The following ANK3 variants were observed in gnomAD, a reference collection of about 807,000 sequenced individuals.
ANK3 encodes the protein ankyrin-3.
ANK3 carries 57 observed loss-of-function variants against 370.9 expected under a neutral mutation model. The ratio of observed to expected loss-of-function variants is 0.15; its 90% CI spans 0.12 to 0.19. The LOEUF is 0.19. Among genes scored for constraint, ANK3 ranks in the 10% least tolerant of loss-of-function variants. The probability of loss-of-function intolerance (pLI) is 1.00; values close to 1 mark genes in which losing one functional copy is unlikely to be tolerated. For synonymous variants in ANK3, 1,929 were observed against 1,946.3 expected (o/e 0.99, Z 0.23); for missense variants, 4,439 against 5,302.1 (o/e 0.84, Z 5.06).
chr10:60,659,539 T>G (rs1349060331), intron 1 of ANK3, among the ~76,000 whole-genome samples: 2 of 152,128 alleles, frequency 1.3e-5, no homozygotes, highest in Non-Finnish European at 2.9e-5. Flanking sequence ...TAGTCGGCAG[T>G]TGTACAACTT....
At chr10:60,619,934 A>G (rs1595356198) in intron 1 of ANK3, among the ~76,000 whole-genome samples, 1 of 152,164 alleles carries the variant, frequency 6.6e-6, no homozygotes, top group East Asian at 1.9e-4. Flanking sequence ...GTCCACAGTA[A>G]TTACTTTGAG....
chr10:60,068,258 T>TA (rs1464923378), intron 37 of ANK3, among the ~76,000 whole-genome samples: 1 of 152,194 alleles, frequency 6.6e-6, no homozygotes, highest in Admixed American at 6.5e-5. Flanking sequence ...CTAGCTAGTT[T>TA]AAACAGTTAC....
intron 23 of ANK3, among the ~76,000 whole-genome samples, chr10:60,142,200 AT>A (rs1234020216): frequency 6.6e-6 from 1 of 152,020 alleles, no homozygotes; most frequent in Non-Finnish European, 1.5e-5. Context: ...GTTATACAGA[AT>A]TTTTTCAGTC....
At chr10:60,087,932 C>T (rs879455451) in intron 29 of ANK3, among the ~76,000 whole-genome samples, 4 of 152,170 alleles carry the variant, frequency 2.6e-5, no homozygotes, top group Admixed American at 2.0e-4. Context: ...CCAACTGAGA[C>T]TTTTAAACAG....
chr10:60,199,811 T>C (rs990833103), intron 13 of ANK3, among the ~76,000 whole-genome samples: 2 of 152,196 alleles, frequency 1.3e-5, no homozygotes, highest in African/African-American at 2.4e-5. Context: ...GCTTTGTGCA[T>C]AAGCCCTTCT....
rs753738116 is a variant in ANK3, at chr10:60,172,332, C to T, written c.2454G>A (p.Val818=). 7 of 1,613,782 alleles carry T rather than the reference C, an allele frequency of 4.3e-6. No homozygotes were observed. In the South Asian group the frequency reaches 5.5e-5, roughly 13 times the overall value. Residue 818 remains valine (V), a synonymous_variant, in exon 21 of 44, where the codon GTG becomes GTA. Coordinates refer to ENST00000280772, the MANE Select transcript of ANK3 (RefSeq NM_020987.5). The stretch of plus-strand genomic sequence containing the variant: ...CAGTTGTGGTCATGGTCTCTTCGGT[C>T]ACTATCTTCAGGGTGTCCACTACTG... The part of the protein sequence containing the change: ...YISVVDTLKI[V]TEETMTTTTV...
intron 32 of ANK3, 183 bp downstream of exon 32, chr10:60,084,418 AT>A: frequency 3.2e-6 from 1 of 307,868 alleles, no homozygotes; most frequent in African/African-American, 2.2e-5. Context: ...AAAAAAAAAA[AT>A]TAAATTAAAT....
chr10:60,208,856 T>A (rs2096803629), intron 9 of ANK3, among the ~76,000 whole-genome samples: 1 of 152,204 alleles, frequency 6.6e-6, no homozygotes, highest in Non-Finnish European at 1.5e-5. Context: ...TTCCCTTTTC[T>A]ATCAATCTGG....
intron 2 of ANK3, among the ~76,000 whole-genome samples, chr10:60,474,671 A>G (rs1289120844): frequency 6.6e-6 from 1 of 152,218 alleles, no homozygotes; most frequent in Admixed American, 6.5e-5. Flanking sequence ...ATAAGACTGA[A>G]TAAGAGTTTC....
intron 1 of ANK3, among the ~76,000 whole-genome samples, chr10:60,726,710 T>C (rs993785023): frequency 6.6e-6 from 1 of 152,146 alleles, no homozygotes; most frequent in Non-Finnish European, 1.5e-5. Flanking sequence ...TTTCTAAAAT[T>C]AGTTTGTGGT....
intron 2 of ANK3, among the ~76,000 whole-genome samples, chr10:60,478,204 C>A (rs1246027215): frequency 6.6e-6 from 1 of 151,966 alleles, no homozygotes; most frequent in East Asian, 1.9e-4. Flanking sequence ...AAGAAACAAA[C>A]CTGAAGAGGT....
chr10:60,597,080 A>T (rs1459807971), intron 2 of ANK3, among the ~76,000 whole-genome samples: 1 of 152,202 alleles, frequency 6.6e-6, no homozygotes, highest in Admixed American at 6.6e-5. Context: ...AATTCTTAGC[A>T]TTCCCCTCCA....
intron 17 of ANK3, 136 bp downstream of exon 17, chr10:60,186,579 C>G (rs1402897362): frequency 9.8e-7 from 1 of 1,019,928 alleles, no homozygotes; most frequent in Non-Finnish European, 1.5e-6. Flanking sequence ...TTAAGTAACA[C>G]TTTGGTAAAC....
At chr10:60,403,295 C>T (rs1264062604) in intron 2 of ANK3, among the ~76,000 whole-genome samples, 1 of 152,150 alleles carries the variant, frequency 6.6e-6, no homozygotes, top group African/African-American at 2.4e-5. Flanking sequence ...CAATATCACA[C>T]CAACTGTTTC....
chr10:60,104,407 A>AG (rs2091883240), intron 28 of ANK3, among the ~76,000 whole-genome samples: 1 of 148,180 alleles, frequency 6.7e-6, no homozygotes, highest in African/African-American at 2.5e-5. Context: ...CAAAGAAAGA[A>AG]AGAAAAGAAA....
intron 23 of ANK3, chr10:60,140,632 G>T: frequency 7.2e-7 from 1 of 1,388,856 alleles, no homozygotes; most frequent in Non-Finnish European, 9.3e-7. Context: ...ACTTAATTGA[G>T]GTTAAGATCC....
intron 2 of ANK3, among the ~76,000 whole-genome samples, chr10:60,399,350 G>A (rs1285331640): frequency 1.3e-5 from 2 of 152,122 alleles, no homozygotes; most frequent in African/African-American, 4.8e-5. Context: ...TTTAAGAAAT[G>A]TAAGATGCTT....
chr10:60,464,921 T>G (rs1348965196), intron 2 of ANK3, among the ~76,000 whole-genome samples: 2 of 152,172 alleles, frequency 1.3e-5, no homozygotes, highest in Non-Finnish European at 2.9e-5. Context: ...AAAGCAAATG[T>G]TTCAGGACTC....
chr10:60,147,102 T>G (rs1005836583), intron 23 of ANK3, among the ~76,000 whole-genome samples: 2 of 152,212 alleles, frequency 1.3e-5, no homozygotes, highest in Non-Finnish European at 2.9e-5. Context: ...GTGAATATTC[T>G]GAGAGGTGAT....
Sources: gnomAD v4.1 joint callset for allele counts (sites outside exome capture counted in the v4.1 genomes callset) on GRCh38, gnomAD v4.1.1 for gene constraint, MANE v1.5 for transcripts, NCBI Gene and HGNC (gene_info 2026-07-23, HGNC 2026-07-21) for gene names.